The following NEBL variants were observed in gnomAD, a reference collection of about 807,000 sequenced individuals.
NEBL encodes LIM and SH3 protein 2.
Under a neutral mutation model 140.2 loss-of-function variants are expected in NEBL, and 122 were observed. The observed-to-expected ratio is 0.87, with a 90% CI of 0.75 to 1.01. The LOEUF is 1.01. NEBL is among the 50% of genes least tolerant of loss of function. NEBL has a pLI of 0.00. For missense variants in NEBL, 1,365 were observed against 1,231.3 expected, an observed-to-expected ratio of 1.11 and a Z score of -1.62; for synonymous variants, 436 against 398.9, an observed-to-expected ratio of 1.09 and a Z score of -1.11.
chr10:21,005,074 T>A (rs1167186468), intron 3 of NEBL, among the ~76,000 whole-genome samples: 1 of 152,102 alleles, frequency 6.6e-6, no homozygotes, highest in African/African-American at 2.4e-5. Context: ...CCTTATGCCC[T>A]CCATTTTGCA....
In NEBL at chr10:21,153,357, G is replaced by T. The variant is rs1840214419; in HGVS notation, c.164+19026C>A. Among the ~76,000 whole-genome samples, 9 of 146,906 alleles carry T rather than the reference G, an allele frequency of 6.1e-5. 1 individual carries two copies. Among genetic ancestry groups the T allele is most frequent in the Admixed American group, 6.1e-4 (9 of 14,854 alleles). ...TTTTTTTAAGATGGAGTTTTGCTCT[G>T]TCATCCAGGCTGGAGTGCAATGGTG... On this transcript the variant is annotated intron_variant, in intron 2 of 6. Transcript: ENST00000417816.
intron 3 of NEBL, among the ~76,000 whole-genome samples, chr10:21,243,243 G>T (rs1178885872): frequency 6.6e-6 from 1 of 151,620 alleles, no homozygotes; most frequent in Non-Finnish European, 1.5e-5. Context: ...CAACCCGCAG[G>T]ACCAAGCATG....
intron 3 of NEBL, among the ~76,000 whole-genome samples, chr10:20,969,544 C>CT (rs771623257): frequency 0.019 from 2,191 of 115,670 alleles, 39 homozygotes; most frequent in South Asian, 0.028. Context: ...TTTTTCTTTT[C>CT]TTTTTTTTTT....
intron 2 of NEBL, among the ~76,000 whole-genome samples, chr10:21,022,599 C>G (rs994887773): frequency 6.6e-5 from 10 of 152,188 alleles, no homozygotes; most frequent in Admixed American, 1.3e-4. Context: ...TAATTAACAT[C>G]CTTCAAAACC....
intron 2 of NEBL, among the ~76,000 whole-genome samples, chr10:21,135,534 A>T (rs139294325): frequency 6.6e-6 from 1 of 152,186 alleles, no homozygotes; most frequent in Non-Finnish European, 1.5e-5. Flanking sequence ...GCTGCCAACA[A>T]TCAGCCTCCT....
intron 3 of NEBL, among the ~76,000 whole-genome samples, chr10:21,204,929 T>C (rs768815798): frequency 3.3e-5 from 5 of 152,192 alleles, no homozygotes; most frequent in Non-Finnish European, 5.9e-5. Flanking sequence ...TGCTGCATCA[T>C]TTTCATCCCT....
At chr10:21,074,216 T>G (rs1835953483) in intron 2 of NEBL, among the ~76,000 whole-genome samples, 1 of 152,230 alleles carries the variant, frequency 6.6e-6, no homozygotes. Flanking sequence ...TGTCGGTCCA[T>G]GTGCCTCAGC....
chr10:20,868,310 C>CTGTGTGTG (rs3085048), intron 7 of NEBL: 151 of 155,912 alleles, frequency 9.7e-4, no homozygotes, highest in Middle Eastern at 6.0e-3. Context: ...AAGTTAAAAA[C>CTGTGTGTG]TGTGTGTGTG....
At chr10:21,247,466 AT>A (rs1842532960) in intron 3 of NEBL, among the ~76,000 whole-genome samples, 1 of 152,148 alleles carries the variant, frequency 6.6e-6, no homozygotes, top group Admixed American at 6.5e-5. Flanking sequence ...AGCAAAGAAA[AT>A]TTAGATCACA....
At chr10:21,126,538 T>C (rs2132058165) in intron 2 of NEBL, among the ~76,000 whole-genome samples, 1 of 152,272 alleles carries the variant, frequency 6.6e-6, no homozygotes, top group South Asian at 2.1e-4. Context: ...GCATACACCA[T>C]CTTTTTTTCT....
intron 2 of NEBL, among the ~76,000 whole-genome samples, chr10:21,054,590 A>G (rs1359460022): frequency 1.3e-5 from 2 of 152,166 alleles, no homozygotes; most frequent in Non-Finnish European, 2.9e-5. Flanking sequence ...TTTCTAAGCC[A>G]TTTTCAATTC....
intron 2 of NEBL, among the ~76,000 whole-genome samples, chr10:21,081,273 GCCA>G (rs920159908): frequency 5.9e-5 from 9 of 152,152 alleles, no homozygotes; most frequent in Non-Finnish European, 1.2e-4. Context: ...AATCAATGGG[GCCA>G]CCATTTGAGT....
At chr10:21,150,718 T>C (rs1167514432) in intron 2 of NEBL, among the ~76,000 whole-genome samples, 1 of 152,212 alleles carries the variant, frequency 6.6e-6, no homozygotes, top group Non-Finnish European at 1.5e-5. Flanking sequence ...ACACCTTCTG[T>C]ACAAAAGTCA....
intron 2 of NEBL, among the ~76,000 whole-genome samples, chr10:21,159,832 T>A (rs1160932201): frequency 6.6e-6 from 1 of 152,168 alleles, no homozygotes; most frequent in Non-Finnish European, 1.5e-5. Flanking sequence ...CCTGTCCCCA[T>A]CCCACGTTGG....
intron 14 of NEBL, among the ~76,000 whole-genome samples, chr10:20,832,027 A>G (rs1336471089): frequency 1.3e-5 from 2 of 152,082 alleles, no homozygotes; most frequent in Non-Finnish European, 2.9e-5. Flanking sequence ...TAGACAACTC[A>G]ATGTTCCCAC....
At chr10:20,967,849 T>A (rs926640787) in intron 3 of NEBL, among the ~76,000 whole-genome samples, 11 of 152,194 alleles carry the variant, frequency 7.2e-5, no homozygotes, top group Non-Finnish European at 1.5e-4. Flanking sequence ...TAATCTTTTG[T>A]GTTGATCAAC....
chr10:21,159,671 G>T (rs138333140), intron 2 of NEBL, among the ~76,000 whole-genome samples: 1 of 152,136 alleles, frequency 6.6e-6, no homozygotes, highest in East Asian at 1.9e-4. Flanking sequence ...GCCATGCAGC[G>T]GGGCCACCTG....
At position 20,812,822 on chromosome 10, in the gene NEBL, T is replaced by A. The variant is rs1398672839; in HGVS notation, c.2465A>T (p.Lys822Ile). 6.2e-7 allele frequency: 1 copy of A among 1,613,898 alleles called. No homozygotes were observed. Among genetic ancestry groups the A allele is most frequent in the African/African-American group, 1.3e-5 (1 of 74,920 alleles). Reference sequence around the variant, plus strand: ...CTCCACGATGTGAGGGTGGACCCCTTTATAGGCAGCATCGCTGACCACCTG... The same window carrying A: ...CTCCACGATGTGAGGGTGGACCCCTATATAGGCAGCATCGCTGACCACCTG... ...NTQVVSDAAY[K>I]GVHPHIVEMD... The change falls in exon 24 of 28, where the codon AAA becomes ATA. Residue 822 changes from lysine (K) to isoleucine (I), a missense_variant. Lys to Ile is a moderately radical substitution (Grantham distance 102). Coordinates refer to ENST00000377122, the MANE Select transcript of NEBL (RefSeq NM_006393.3).
At chr10:21,228,667 AAC>A (rs1189799660) in intron 3 of NEBL, among the ~76,000 whole-genome samples, 1 of 152,214 alleles carries the variant, frequency 6.6e-6, no homozygotes, top group African/African-American at 2.4e-5. Context: ...AAAAATTAAA[AAC>A]AGTCATCATA....
Sources: gnomAD v4.1 joint callset for allele counts (sites outside exome capture counted in the v4.1 genomes callset) on GRCh38, gnomAD v4.1.1 for gene constraint, MANE v1.5 for transcripts, NCBI Gene and HGNC (gene_info 2026-07-23, HGNC 2026-07-21) for gene names.